Variants in MB21D2 observed in about 807,000 individuals in gnomAD.
MB21D2 encodes the protein nucleotidyltransferase MB21D2.
MB21D2 carries 9 observed loss-of-function variants against 33.3 expected under a neutral mutation model. The ratio of observed to expected loss-of-function variants is 0.27; its 90% CI spans 0.16 to 0.47. The LOEUF (loss-of-function observed/expected upper bound fraction) is 0.47. MB21D2 is among the 20% of genes least tolerant of loss of function. The probability of loss-of-function intolerance (pLI) is 0.99; values close to 1 mark genes in which losing one functional copy is unlikely to be tolerated. For synonymous variants in MB21D2, 241 were observed against 236.3 expected, an observed-to-expected ratio of 1.02 and a Z score of -0.18; for missense variants, 540 against 624.6, an observed-to-expected ratio of 0.86 and a Z score of 1.44.
At chr3:192,835,575 A>C (rs1445859725) in intron 1 of MB21D2, among the ~76,000 whole-genome samples, 1 of 152,144 alleles carries the variant, frequency 6.6e-6, no homozygotes, top group African/African-American at 2.4e-5. Flanking sequence ...TCCAGAAAAA[A>C]ATGATGACAA....
intron 1 of MB21D2, among the ~76,000 whole-genome samples, chr3:192,819,389 A>G (rs564477953): frequency 1.3e-5 from 2 of 152,280 alleles, no homozygotes; most frequent in East Asian, 3.9e-4. Context: ...AACCTAGCAC[A>G]AGGGCTGGGC....
rs553111647 is a variant in MB21D2, at chr3:192,864,036, G to A, written c.211+53594C>T. Among the ~76,000 whole-genome samples the A allele has an allele frequency of 5.7e-4, 87 of 152,244 alleles. 1 individual carries two copies. Among genetic ancestry groups the A allele is most frequent in the African/African-American group, 2.1e-3 (86 of 41,556 alleles). ...TAATGTGACAGATGTCTTTACATCA[G>A]TAGTGGATGCTGTGACAGAGGCATT... On this transcript the variant is annotated intron_variant, in intron 1 of 1. Transcript: ENST00000392452.
intron 1 of MB21D2, among the ~76,000 whole-genome samples, chr3:192,914,774 G>GACC (rs1055430457): frequency 6.6e-6 from 1 of 152,040 alleles, no homozygotes; most frequent in Admixed American, 6.5e-5. Context: ...AGACCACAGT[G>GACC]ACCACCAGCA....
intron 1 of MB21D2, among the ~76,000 whole-genome samples, chr3:192,859,706 C>T (rs948163831): frequency 6.6e-6 from 1 of 152,090 alleles, no homozygotes; most frequent in African/African-American, 2.4e-5. Flanking sequence ...TGAATAAAAG[C>T]AGAAATCAGA....
At chr3:192,871,471 T>C (rs1381646391) in intron 1 of MB21D2, among the ~76,000 whole-genome samples, 2 of 152,072 alleles carry the variant, frequency 1.3e-5, no homozygotes, top group Non-Finnish European at 2.9e-5. Context: ...ACAGAGTCTG[T>C]CCTCATGGAG....
chr3:192,812,963 C>T (rs1040662635), intron 1 of MB21D2, among the ~76,000 whole-genome samples: 29 of 152,288 alleles, frequency 1.9e-4, no homozygotes, highest in Non-Finnish European at 2.1e-4. Flanking sequence ...TACTCATTTA[C>T]TAAGAGTTTC....
At chr3:192,908,802 A>G (rs1714268389) in intron 1 of MB21D2, among the ~76,000 whole-genome samples, 1 of 152,066 alleles carries the variant, frequency 6.6e-6, no homozygotes, top group South Asian at 2.1e-4. Flanking sequence ...AAGCGGACAT[A>G]AGGTGTCAGA....
At chr3:192,815,454 T>G (rs1711900451) in intron 1 of MB21D2, among the ~76,000 whole-genome samples, 2 of 152,202 alleles carry the variant, frequency 1.3e-5, no homozygotes, top group Admixed American at 6.5e-5. Flanking sequence ...CAAGGAGACA[T>G]GTGTTTAGCA....
rs1711518065 is a variant in MB21D2 at position 192,799,827 on chromosome 3, C to T, written c.212-177G>A. 6.6e-6 allele frequency among the ~76,000 whole-genome samples: 1 copy of T among 152,146 alleles called. No homozygotes were observed. The highest frequency in any genetic ancestry group is 6.5e-5 in the Admixed American group (1 of 15,274). ...GTACTTTCTCACTAGTGCTAGAATC[C>T]ACCCTTTTCCAAATGCAAGAATTAT... On this transcript the variant is annotated intron_variant, in intron 1 of 1. Coordinates refer to ENST00000392452, the MANE Select transcript of MB21D2 (RefSeq NM_178496.4). This position sits in a 1 kb window ranked among gnomAD's most constrained non-coding sequence, Gnocchi z 4.1.
chr3:192,820,696 C>T (rs1712029312), intron 1 of MB21D2, among the ~76,000 whole-genome samples: 2 of 152,264 alleles, frequency 1.3e-5, no homozygotes, highest in South Asian at 2.1e-4. Flanking sequence ...GCTCCGCTGC[C>T]TCGTTCAGCC....
At chr3:192,870,699 G>GAGAAAAAAA (rs1713272610) in intron 1 of MB21D2, among the ~76,000 whole-genome samples, 1 of 41,670 alleles carries the variant, frequency 2.4e-5, no homozygotes, top group Non-Finnish European at 4.0e-5. Context: ...CGACTCCGTT[G>GAGAAAAAAA]AAAAAAAAAA....
chr3:192,809,457 G>A (rs1217182790), intron 1 of MB21D2, among the ~76,000 whole-genome samples: 1 of 152,162 alleles, frequency 6.6e-6, no homozygotes, highest in Non-Finnish European at 1.5e-5. Flanking sequence ...ATTGTTTATG[G>A]CCATGATAGC....
At chr3:192,887,466 T>G (rs1713757734) in intron 1 of MB21D2, among the ~76,000 whole-genome samples, 1 of 152,134 alleles carries the variant, frequency 6.6e-6, no homozygotes, top group Non-Finnish European at 1.5e-5. Context: ...ACTTAGAAAC[T>G]GTGAAGATCG....
chr3:192,871,883 C>T (rs1713310939), intron 1 of MB21D2, among the ~76,000 whole-genome samples: 1 of 152,130 alleles, frequency 6.6e-6, no homozygotes, highest in African/African-American at 2.4e-5. Context: ...CCGGGTGGTT[C>T]AAAAGGCCCT....
intron 1 of MB21D2, among the ~76,000 whole-genome samples, chr3:192,801,822 T>C (rs1337445449): frequency 6.6e-6 from 1 of 152,226 alleles, no homozygotes; most frequent in Non-Finnish European, 1.5e-5. Flanking sequence ...AATTTAACGC[T>C]CATTTATTAA....
rs146401863 is a variant in MB21D2, at chr3:192,857,740, A to G, written c.212-58090T>C. The stretch of plus-strand genomic sequence containing the variant: ...GAAGAAGACTCCTCCTTCTGAGACC[A>G]TCTCATCTGTGACATGGGACAAAGG... On this transcript the variant is annotated intron_variant, in intron 1 of 1. Coordinates refer to ENST00000392452, the MANE Select transcript of MB21D2 (RefSeq NM_178496.4). Among the ~76,000 whole-genome samples the G allele has an allele frequency of 2.8e-3, 428 of 152,266 alleles. 1 individual carries two copies. Among genetic ancestry groups the G allele is most frequent in the African/African-American group, 9.6e-3 (398 of 41,560 alleles).
intron 1 of MB21D2, among the ~76,000 whole-genome samples, chr3:192,843,889 G>A (rs1487307707): frequency 1.3e-5 from 2 of 152,194 alleles, no homozygotes; most frequent in Admixed American, 6.5e-5. Flanking sequence ...CTCCATGCAC[G>A]ATCAGACAAG....
intron 1 of MB21D2, among the ~76,000 whole-genome samples, chr3:192,889,780 A>G (rs1473208004): frequency 6.6e-6 from 1 of 152,186 alleles, no homozygotes; most frequent in Non-Finnish European, 1.5e-5. Flanking sequence ...AGCGTGCAAC[A>G]TAACAAGAAA....
At chr3:192,871,774 T>C (rs189819270) in intron 1 of MB21D2, among the ~76,000 whole-genome samples, 40 of 151,718 alleles carry the variant, frequency 2.6e-4, no homozygotes, top group Non-Finnish European at 4.9e-4. Context: ...TTTTTAACTA[T>C]AGAGGGAAGT....
Sources: allele counts gnomAD v4.1 joint callset (sites outside exome capture counted in the v4.1 genomes callset), GRCh38; gene constraint gnomAD v4.1.1; non-coding constraint Gnocchi (gnomAD v3.1); transcripts MANE v1.5; gene names NCBI Gene and HGNC (gene_info 2026-07-23, HGNC 2026-07-21).